Variants in TOP2B observed in about 807,000 individuals in gnomAD.
TOP2B encodes the protein DNA topoisomerase II beta, also known as DNA topoisomerase 2-beta.
A neutral mutation model predicts 193.5 loss-of-function variants in TOP2B; 51 were observed. The ratio of observed to expected loss-of-function variants is 0.26; its 90% CI spans 0.21 to 0.33. The LOEUF (loss-of-function observed/expected upper bound fraction) is 0.33. Ranked by LOEUF, TOP2B falls within the 10% of genes least tolerant of loss-of-function variation. The pLI is 1.00. For synonymous variants in TOP2B, 634 were observed against 635.7 expected (o/e 1.00, Z 0.04); for missense variants, 1,378 against 1,909.3 (o/e 0.72, Z 5.19).
chr3:25,637,346 A>G (rs751050684), intron 5 of TOP2B, 34 bp from the exon 6 acceptor site: 1 of 1,483,938 alleles, frequency 6.7e-7, no homozygotes, highest in Non-Finnish European at 9.1e-7. Context: ...AGGTTTAGTA[A>G]AAATGATTTT....
At chr3:25,649,439 ACAT>A (rs1703515483) in intron 1 of TOP2B, among the ~76,000 whole-genome samples, 1 of 152,148 alleles carries the variant, frequency 6.6e-6, no homozygotes, top group Non-Finnish European at 1.5e-5. Context: ...ACACCAAGAC[ACAT>A]CATAATTATA....
chr3:25,609,285 T>G lies in TOP2B; in HGVS notation c.3991A>C (p.Lys1331Gln). ...TCATCATCTGACCAAGGATTCCGTT[T>G]CTTCACTTTCTTTGCACTAGGTTTA... Reference protein sequence around the residue: ...SGKPSAKKVKKRNPWSDDESK... With the variant: ...SGKPSAKKVKQRNPWSDDESK... Residue 1331 changes from lysine (K) to glutamine (Q), a missense_variant, in exon 30 of 36, where the codon AAA becomes CAA. Lys to Gln is a moderately conservative substitution (Grantham distance 53, BLOSUM62 1). Transcript: ENST00000264331. 6.2e-7 allele frequency: 1 copy of G among 1,600,814 alleles called. No homozygotes were observed. Among genetic ancestry groups the G allele is most frequent in the Non-Finnish European group, 8.5e-7 (1 of 1,172,326 alleles).
At chr3:25,651,722 C>T (rs1229030517) in intron 1 of TOP2B, among the ~76,000 whole-genome samples, 1 of 151,890 alleles carries the variant, frequency 6.6e-6, no homozygotes, top group East Asian at 1.9e-4. Context: ...CAAAAATTAG[C>T]CAGGCATGGT....
intron 6 of TOP2B, 139 bp from the exon 7 acceptor site, chr3:25,636,287 A>G (rs1575578690): frequency 1.6e-6 from 1 of 615,084 alleles, no homozygotes; most frequent in East Asian, 2.9e-5. Context: ...AATCCTTGAT[A>G]ATATTACAGA....
At position 25,641,850 on chromosome 3, in the gene TOP2B, A is replaced by G. The variant is rs1410629683; in HGVS notation, c.395+472T>C. On this transcript the variant is annotated intron_variant, in intron 4 of 35. Coordinates refer to ENST00000264331, the MANE Select transcript of TOP2B (RefSeq NM_001330700.2). ...GATTTAATGCTACTATTTTTTATAC[A>G]TCTTCATTCTATGCAAAAAAATAAT... Among the ~76,000 whole-genome samples the G allele has an allele frequency of 3.9e-5, 6 of 152,182 alleles. No individual in the cohort carries two copies. In the East Asian group the frequency reaches 1.2e-3, roughly 29 times the overall value.
In TOP2B at chr3:25,658,500, T is replaced by C. The variant is rs1310961847; in HGVS notation, c.69+5729A>G. 7.2e-5 allele frequency among the ~76,000 whole-genome samples: 11 copies of C among 152,044 alleles called. No individual in the cohort carries two copies. In the East Asian group the frequency reaches 1.7e-3, roughly 24 times the overall value. On this transcript the variant is annotated intron_variant, in intron 1 of 35. Transcript: ENST00000264331. Reference sequence around the variant, plus strand: ...CACCATATTAAATTTCCTACACATATCTAAAAGTTGTTTTAATTATATTCT... The same window carrying C: ...CACCATATTAAATTTCCTACACATACCTAAAAGTTGTTTTAATTATATTCT...
chr3:25,607,933 C>T (rs1358289144), intron 30 of TOP2B, among the ~76,000 whole-genome samples: 2 of 152,140 alleles, frequency 1.3e-5, no homozygotes, highest in South Asian at 4.2e-4. Flanking sequence ...AGGTGTGCCA[C>T]CATTCCTGGC....
At chr3:25,625,773 T>C (rs79164791) in intron 18 of TOP2B, among the ~76,000 whole-genome samples, 2,730 of 152,290 alleles carry the variant, frequency 0.018, 37 homozygotes, top group Middle Eastern at 0.045. Context: ...ACTGTAATCA[T>C]ACTGGACCCA....
rs1702930345 is a variant in TOP2B, at chr3:25,630,723, T to C, written c.1405+78A>G. 3.1e-6 allele frequency: 4 copies of C among 1,282,908 alleles called. No homozygotes were observed. In the South Asian group the frequency reaches 7.3e-5, roughly 23 times the overall value. 79.5% of individuals were successfully genotyped at this position (1,282,908 alleles called of 1,614,324 possible). ...AATGGAAAATCATAGTCTAACTATATGTAGAAAATAAAAAAATTCTGTAAC... is the reference window on the plus strand; with the variant it reads ...AATGGAAAATCATAGTCTAACTATACGTAGAAAATAAAAAAATTCTGTAAC... On this transcript the variant is annotated intron_variant, in intron 11 of 35. Coordinates refer to ENST00000264331, the MANE Select transcript of TOP2B (RefSeq NM_001330700.2).
chr3:25,658,058 C>A (rs1184058020), intron 1 of TOP2B, among the ~76,000 whole-genome samples: 1 of 63,776 alleles, frequency 1.6e-5, no homozygotes, highest in Non-Finnish European at 2.9e-5. Context: ...GAGACTCCGT[C>A]TCAAAAAAAA....
chr3:25,655,217 A>C (rs1360428913), intron 1 of TOP2B, among the ~76,000 whole-genome samples: 1 of 152,248 alleles, frequency 6.6e-6, no homozygotes, highest in African/African-American at 2.4e-5. Context: ...AACCCCATTC[A>C]AATGGATAAA....
chr3:25,606,194 A>G (rs1702233337), intron 31 of TOP2B, 72 bp from the exon 32 acceptor site: 3 of 719,378 alleles, frequency 4.2e-6, no homozygotes, highest in African/African-American at 1.8e-5. Context: ...TAAATTATAT[A>G]TAATATTTAC....
chr3:25,612,118 T>C (rs1559493886), intron 28 of TOP2B, among the ~76,000 whole-genome samples: 2 of 151,774 alleles, frequency 1.3e-5, no homozygotes, highest in African/African-American at 2.4e-5. Flanking sequence ...ATTTTTTGTA[T>C]TTTTTAGTAG....
intron 18 of TOP2B, 166 bp from the exon 19 acceptor site, chr3:25,624,969 GT>G: frequency 1.5e-6 from 1 of 645,294 alleles, no homozygotes. Context: ...TTGTTTGTTT[GT>G]TTTTTCCTAG....
rs1704039920 is a variant in TOP2B at position 25,664,739 on chromosome 3, C to G, written c.-442G>C. ...TCACACTCCGCGAAGGCCAGCCACT[C>G]GAGTCGCCAGAGTAGTCGTCCCGGT... On this transcript the variant is annotated 5_prime_UTR_variant, in exon 1 of 36. Coordinates refer to ENST00000264331, the MANE Select transcript of TOP2B (RefSeq NM_001330700.2). 7 of 987,670 alleles carry G rather than the reference C, an allele frequency of 7.1e-6. No homozygotes were observed. The highest frequency in any genetic ancestry group is 6.1e-5 in the Admixed American group (1 of 16,270). The allele number at this position is 987,670 out of a possible 1,614,324, so 61.2% of individuals were successfully genotyped here.
intron 11 of TOP2B, 109 bp from the exon 12 acceptor site, chr3:25,630,578 A>G (rs754189345): frequency 6.2e-6 from 6 of 973,014 alleles, no homozygotes; most frequent in Non-Finnish European, 8.9e-6. Context: ...AAGACTATAA[A>G]AGTTATTTTA....
At chr3:25,621,678 G>A (rs1036577765) in intron 21 of TOP2B, among the ~76,000 whole-genome samples, 68 of 151,506 alleles carry the variant, frequency 4.5e-4, no homozygotes, top group African/African-American at 1.6e-3. Flanking sequence ...ATTCTTATTC[G>A]TTATTATCAT....
chr3:25,662,143 G>A (rs758113328), intron 1 of TOP2B, among the ~76,000 whole-genome samples: 1 of 152,196 alleles, frequency 6.6e-6, no homozygotes. Flanking sequence ...CCAGCACTGT[G>A]CTACACACGT....
intron 34 of TOP2B, among the ~76,000 whole-genome samples, 185 bp downstream of exon 34, chr3:25,600,915 G>A (rs527718715): frequency 2.0e-4 from 30 of 152,278 alleles, no homozygotes; most frequent in African/African-American, 7.2e-4. Context: ...CAAAGTGACT[G>A]AACTAAATTG....
Sources: allele counts gnomAD v4.1 joint callset (sites outside exome capture counted in the v4.1 genomes callset), GRCh38; gene constraint gnomAD v4.1.1; transcripts MANE v1.5; gene names NCBI Gene and HGNC (gene_info 2026-07-23, HGNC 2026-07-21).